FER1L5: variants seen among roughly 807,000 people sequenced by gnomAD.
FER1L5 encodes fer-1 like family member 5.
In FER1L5, 187 loss-of-function variants were observed where a neutral mutation model predicts 279.9. The observed-to-expected ratio is 0.67, with a 90% confidence interval of 0.59 to 0.75. The LOEUF is 0.75. Among genes scored for constraint, FER1L5 ranks in the 30% least tolerant of loss-of-function variants. The pLI is 0.00. For synonymous variants in FER1L5, 921 were observed against 989.7 expected, an observed-to-expected ratio of 0.93 and a Z score of 1.30; for missense variants, 2,091 against 2,594.4, an observed-to-expected ratio of 0.81 and a Z score of 4.21.
Position 96,700,330 on chromosome 2 carries a change from A to T in FER1L5, c.4931-2A>T. On this transcript the variant is annotated splice_acceptor_variant, in intron 44 of 52. Coordinates refer to ENST00000624922, the MANE Select transcript of FER1L5 (RefSeq NM_001293083.2). LOFTEE classifies it high-confidence loss of function. ...CCCTCCTTCCATCCCCCTCCAATCC[A>T]GAGCCCAAAACCCCTACTGTTCATG... The T allele has an allele frequency of 6.2e-7, 1 of 1,612,736 alleles. No homozygotes were observed. The highest frequency in any genetic ancestry group is 8.5e-7 in the Non-Finnish European group (1 of 1,179,844).
At chr2:96,696,111 A>G (rs777536195) in intron 37 of FER1L5, 34 bp downstream of exon 37, 1 of 1,613,008 alleles carries the variant, frequency 6.2e-7, no homozygotes, top group Non-Finnish European at 8.5e-7. Flanking sequence ...CTTCTCCCAT[A>G]CTGTTGACGG....
chr2:96,697,996 G>A (rs1342404763), intron 39 of FER1L5, 41 bp from the exon 40 acceptor site: 1 of 1,538,398 alleles, frequency 6.5e-7, no homozygotes, highest in South Asian at 1.2e-5. Context: ...CCTAATCACG[G>A]GAACAGTCTC....
At chr2:96,687,185 C>CCACCTGG (rs2076963220) in intron 23 of FER1L5, among the ~76,000 whole-genome samples, 1 of 152,190 alleles carries the variant, frequency 6.6e-6, no homozygotes, top group Non-Finnish European at 1.5e-5. Context: ...TGCCGCCTTG[C>CCACCTGG]CACCTGGCCC....
At position 96,670,237 on chromosome 2, in the gene FER1L5, C is replaced by T; in HGVS notation, c.1481C>T (p.Thr494Ile). The change falls in exon 18 of 53, where the codon ACC (threonine) becomes ATC (isoleucine). Residue 494 changes from threonine to isoleucine, a missense_variant. Physicochemically the swap from Thr to Ile is moderately conservative, Grantham distance 89 (BLOSUM62 -1). Coordinates refer to ENST00000624922, the MANE Select transcript of FER1L5 (RefSeq NM_001293083.2). ...ATAAAGGATCTCTCCCATGAAGTGA[C>T]CAGGATAGAGGTAACTGCGGGAAAC... The part of the protein sequence containing the change: ...STIKDLSHEV[T>I]RIEKHQNRQK... The T allele has an allele frequency of 1.3e-6, 2 of 1,551,304 alleles. No individual in the cohort carries two copies. Among genetic ancestry groups the T allele is most frequent in the Non-Finnish European group, 1.7e-6 (2 of 1,146,758 alleles).
At chr2:96,696,159 A>T in intron 37 of FER1L5, 82 bp downstream of exon 37, 2 of 1,575,542 alleles carry the variant, frequency 1.3e-6, no homozygotes, top group Non-Finnish European at 8.6e-7. Context: ...TGTCCATTAA[A>T]CAGTCTGGAT....
In FER1L5 at chr2:96,668,978, G is replaced by C; in HGVS notation, c.1267+10G>C. The C allele has an allele frequency of 6.4e-7, 1 of 1,551,620 alleles. No individual in the cohort carries two copies. The highest frequency in any genetic ancestry group is 8.7e-7 in the Non-Finnish European group (1 of 1,146,970). ...GGAGAAGAGATAGAAGGCAAGCAAA[G>C]CCTCGAGCCCACTTCCTACACCCCT... On this transcript the variant is annotated intron_variant, in intron 16 of 52. Coordinates refer to ENST00000624922, the MANE Select transcript of FER1L5 (RefSeq NM_001293083.2).
rs1393703730 is a variant in FER1L5, at chr2:96,702,350, T to A, written c.5204T>A (p.Leu1735Gln). ...ATCTGGAAGACTGCCAATGTGGACC[T>A]GGTGGATGACAATTTAAGTAGAGAG... ...CIIWKTANVD[L>Q]VDDNLSREKT... The change falls in exon 47 of 53, where the codon CTG becomes CAG. Residue 1735 changes from leucine (L) to glutamine (Q), a missense_variant. Physicochemically the swap from Leu to Gln is moderately radical, Grantham distance 113. Transcript: ENST00000624922. The surrounding 1 kb of genome is among the most constrained non-coding windows in gnomAD (Gnocchi z 4.0). 3.7e-6 allele frequency: 6 copies of A among 1,613,222 alleles called. No homozygotes were observed.
chr2:96,649,908 A>G (rs2075292372), intron 5 of FER1L5, among the ~76,000 whole-genome samples: 1 of 152,226 alleles, frequency 6.6e-6, no homozygotes. Context: ...CCCATGAGAT[A>G]TAAGACATAA....
chr2:96,703,979 C>T (rs1295384534), intron 51 of FER1L5, among the ~76,000 whole-genome samples: 1 of 152,030 alleles, frequency 6.6e-6, no homozygotes, highest in Non-Finnish European at 1.5e-5. Flanking sequence ...CCATGCCCGG[C>T]TAATTTTTGT....
At position 96,647,053 on chromosome 2, in the gene FER1L5, G is replaced by GC. The variant is rs1189530906; in HGVS notation, c.139-5dup. The GC allele has an allele frequency of 5.2e-6, 8 of 1,551,190 alleles. No homozygotes were observed. Among genetic ancestry groups the GC allele is most frequent in the Admixed American group, 2.0e-5 (1 of 50,958 alleles). On this transcript the variant is annotated splice_polypyrimidine_tract_variant and intron_variant, in intron 2 of 52. Transcript: ENST00000624922. Reference sequence around the variant, plus strand: ...AGAGGGAGGATGCTGACCTCTCTATGCCCCCCACAGACCCTAATCTGGCAC... The same window carrying GC: ...AGAGGGAGGATGCTGACCTCTCTATGCCCCCCCACAGACCCTAATCTGGCAC...
chr2:96,662,207 G>T lies in FER1L5; in HGVS notation c.1019-8G>T, dbSNP rs1040699562. 1.9e-6 allele frequency: 3 copies of T among 1,551,318 alleles called. No homozygotes were observed. In the African/African-American group the frequency reaches 4.1e-5, roughly 21 times the overall value. ...TGGCTCAGATATCTTTTAACTTGTT[G>T]TTCATAGAGAAACACCAGTCAGTGA... On this transcript the variant is annotated splice_region_variant and splice_polypyrimidine_tract_variant and intron_variant, in intron 12 of 52. Transcript: ENST00000624922.
rs1369047771 is a variant in FER1L5, at chr2:96,661,704, G to A, written c.931G>A (p.Asp311Asn). The A allele has an allele frequency of 2.4e-5, 38 of 1,551,574 alleles. No individual in the cohort carries two copies. Among genetic ancestry groups the A allele is most frequent in the South Asian group, 1.9e-4 (16 of 84,072 alleles). The change falls in exon 12 of 53, where the codon GAT becomes AAT. Residue 311 changes from aspartate to asparagine, a missense_variant. Physicochemically the swap from Asp to Asn is conservative, Grantham distance 23. Coordinates refer to ENST00000624922, the MANE Select transcript of FER1L5 (RefSeq NM_001293083.2). ...QKLLYGTDDT[D>N]IQIFKSAVVP... ...GCTGCTCTATGGCACCGATGACACC[G>A]ATATTCAGATCTTCAAGTCAGCGGT...
Position 96,702,289 on chromosome 2 carries a change from G to T in FER1L5, c.5160-17G>T. On this transcript the variant is annotated splice_polypyrimidine_tract_variant and intron_variant, in intron 46 of 52. Transcript: ENST00000624922. This position sits in a 1 kb window ranked among gnomAD's most constrained non-coding sequence, Gnocchi z 4.0. ...GGAGCTCCTCCTCAGCAAAGCCTCA[G>T]AGCACAGTGGCCACAGGTATGAGCT... The T allele has an allele frequency of 6.2e-7, 1 of 1,606,928 alleles. No homozygotes were observed. The highest frequency in any genetic ancestry group is 8.5e-7 in the Non-Finnish European group (1 of 1,176,920).
chr2:96,684,154 C>T (rs958334373), intron 19 of FER1L5, among the ~76,000 whole-genome samples, 173 bp from the exon 20 acceptor site: 2 of 152,226 alleles, frequency 1.3e-5, no homozygotes, highest in African/African-American at 4.8e-5. Context: ...TTCTCACATT[C>T]TCAGTTGGGC....
chr2:96,703,505 C>T lies in FER1L5; in HGVS notation c.5692-18C>T, dbSNP rs946477719. 1.2e-6 allele frequency: 2 copies of T among 1,612,960 alleles called. No homozygotes were observed. Among genetic ancestry groups the T allele is most frequent in the African/African-American group, 2.7e-5 (2 of 74,918 alleles). On this transcript the variant is annotated intron_variant, in intron 50 of 52. Transcript: ENST00000624922. ...TGCTGTCTGCACTCAGCCTCCCCCT[C>T]ACCCATGGTGTTCCTAGGGCAAGGT...
At chr2:96,700,160 G>C in intron 44 of FER1L5, 80 bp downstream of exon 44, 2 of 1,581,968 alleles carry the variant, frequency 1.3e-6, no homozygotes, top group Non-Finnish European at 1.7e-6. Flanking sequence ...AAGAGCTGCA[G>C]ACTTGGGGGA....
rs1274686972 is a variant in FER1L5, at chr2:96,698,868, C to T, written c.4518+36C>T. 6 of 1,551,686 alleles carry T rather than the reference C, an allele frequency of 3.9e-6. No individual in the cohort carries two copies. The South Asian group carries it at 4.8e-5, about 12-fold the overall frequency. ...GTACCTGCCCCACACAGGTGCCCCG[C>T]ACGCTCCCCTCAACCCATCTCTGGG... On this transcript the variant is annotated intron_variant, in intron 41 of 52. Transcript: ENST00000624922. This position sits in a 1 kb window ranked among gnomAD's most constrained non-coding sequence, Gnocchi z 5.5.
rs182436373 is a variant in FER1L5 at position 96,679,250 on chromosome 2, C to T, written c.1670-5077C>T. Among the ~76,000 whole-genome samples the T allele has an allele frequency of 3.8e-3, 568 of 149,720 alleles. 7 individuals carry two copies. Among genetic ancestry groups the T allele is most frequent in the Admixed American group, 0.013 (191 of 15,072 alleles). On this transcript the variant is annotated intron_variant, in intron 19 of 52. Coordinates refer to ENST00000624922, the MANE Select transcript of FER1L5 (RefSeq NM_001293083.2). ...ATAGTTTTTTTTTTTTTTGAGATGG[C>T]GTCTCGCTCCCTCACCAGGCTGGAG...
intron 18 of FER1L5, among the ~76,000 whole-genome samples, chr2:96,670,537 GGAGACC>G (rs754411878): frequency 2.1e-4 from 32 of 152,164 alleles, no homozygotes; most frequent in Non-Finnish European, 3.8e-4. Context: ...CAGCACTTTG[GGAGACC>G]GAGGAGGGAG....
Sources: allele counts gnomAD v4.1 joint callset (sites outside exome capture counted in the v4.1 genomes callset), GRCh38; gene constraint gnomAD v4.1.1; non-coding constraint Gnocchi (gnomAD v3.1); transcripts MANE v1.5; gene names NCBI Gene and HGNC (gene_info 2026-07-23, HGNC 2026-07-21).